Variants in SYNE1 observed in about 807,000 individuals in gnomAD.
SYNE1 encodes the protein nesprin-1.
SYNE1 carries 616 observed loss-of-function variants against 1,111.0 expected under a neutral mutation model. The ratio of observed to expected loss-of-function variants is 0.55; its 90% CI spans 0.52 to 0.59. The LOEUF is 0.59. Ranked by LOEUF, SYNE1 falls within the 20% of genes least tolerant of loss-of-function variation. The pLI is 0.00. For missense variants in SYNE1, 10,006 were observed against 10,417.0 expected (o/e 0.96, Z 1.72); for synonymous variants, 3,855 against 3,825.8 (o/e 1.01, Z -0.28).
intron 4 of SYNE1, among the ~76,000 whole-genome samples, chr6:152,530,478 T>G (rs2099191433): frequency 6.6e-6 from 1 of 151,862 alleles, no homozygotes; most frequent in South Asian, 2.1e-4. Context: ...GTTTTTTTTT[T>G]TTTTTTTTTA....
Position 152,331,142 on chromosome 6 carries a change from C to T in SYNE1, c.13543G>A (p.Ala4515Thr). Reference protein sequence around the residue: ...TYQNEVTGLWAQGRELMKEVT... With the variant: ...TYQNEVTGLWTQGRELMKEVT... Reference sequence around the variant, plus strand: ...TCCTTCATTAGTTCGCGACCCTGGGCCCAAAGTCCAGTGACTTCATTTTGG... The same window carrying T: ...TCCTTCATTAGTTCGCGACCCTGGGTCCAAAGTCCAGTGACTTCATTTTGG... The change falls in exon 78 of 146, where the codon GCC becomes ACC. Residue 4515 changes from alanine to threonine, a missense_variant. By Grantham distance (58) the Ala-to-Thr change is moderately conservative. This residue lies in a region of SYNE1 where 4,955 missense variants were observed against 5,017.2 expected (regional missense o/e 0.99). Transcript: ENST00000367255. 1 of 1,614,096 alleles carries T rather than the reference C, an allele frequency of 6.2e-7. No homozygotes were observed. Among genetic ancestry groups the T allele is most frequent in the Non-Finnish European group, 8.5e-7 (1 of 1,180,042 alleles).
chr6:152,271,078 G>A (rs1001544943), intron 98 of SYNE1, among the ~76,000 whole-genome samples: 21 of 152,196 alleles, frequency 1.4e-4, no homozygotes, highest in African/African-American at 4.6e-4. Flanking sequence ...CCTGCCCCTG[G>A]TTGTTCTTTG....
intron 3 of SYNE1, among the ~76,000 whole-genome samples, chr6:152,615,793 T>C (rs994787599): frequency 3.3e-5 from 5 of 152,228 alleles, no homozygotes; most frequent in Non-Finnish European, 7.3e-5. Context: ...ACTCAAGAGT[T>C]TGGCAATTCT....
chr6:152,515,989 C>A (rs958242428), intron 6 of SYNE1, among the ~76,000 whole-genome samples: 1 of 152,026 alleles, frequency 6.6e-6, no homozygotes, highest in Admixed American at 6.6e-5. Context: ...AATAAATGTC[C>A]TGTTATCAAA....
chr6:152,637,030 G>C (rs1435126396), intron 1 of SYNE1, 159 bp downstream of exon 1: 1 of 152,330 alleles, frequency 6.6e-6, no homozygotes, highest in African/African-American at 2.4e-5. Flanking sequence ...AAGGAAGGTC[G>C]CCCAGGCCGG....
chr6:152,204,086 G>A lies in SYNE1; in HGVS notation c.23019+2082C>T, dbSNP rs951831574. Among the ~76,000 whole-genome samples the A allele has an allele frequency of 2.6e-5, 4 of 151,986 alleles. No homozygotes were observed. In the East Asian group the frequency reaches 7.7e-4, roughly 29 times the overall value. The stretch of plus-strand genomic sequence containing the variant: ...GATCTAAAAGAGATAAGATCATCAC[G>A]GGTGCTGTGACCCACACCTATAATC... On this transcript the variant is annotated intron_variant, in intron 126 of 145. Transcript: ENST00000367255.
intron 3 of SYNE1, among the ~76,000 whole-genome samples, chr6:152,567,601 A>T (rs774998672): frequency 3.9e-5 from 6 of 152,186 alleles, no homozygotes; most frequent in Non-Finnish European, 7.3e-5. Flanking sequence ...AACTGCCATG[A>T]TGTCTCCAGC....
At chr6:152,282,098 T>C in intron 96 of SYNE1, 118 bp from the exon 97 acceptor site, 3 of 1,099,524 alleles carry the variant, frequency 2.7e-6, no homozygotes, top group South Asian at 1.3e-5. Flanking sequence ...GTAAAACTTT[T>C]AAAAATTTCC....
chr6:152,494,671 C>T (rs140326564), intron 11 of SYNE1, among the ~76,000 whole-genome samples: 1 of 152,296 alleles, frequency 6.6e-6, no homozygotes, highest in East Asian at 1.9e-4. Flanking sequence ...ATATCCTGCA[C>T]CACCATGCTG....
chr6:152,230,709 A>C lies in SYNE1; in HGVS notation c.21040-7T>G. On this transcript the variant is annotated splice_polypyrimidine_tract_variant and splice_region_variant and intron_variant, in intron 114 of 145. Coordinates refer to ENST00000367255, the MANE Select transcript of SYNE1 (RefSeq NM_182961.4). ...AGCCTTCCAACAGCTGGATCTGAACAAACACAATAAAATGAAATTTGCAAC... is the reference window on the plus strand; with the variant it reads ...AGCCTTCCAACAGCTGGATCTGAACCAACACAATAAAATGAAATTTGCAAC... 1 of 1,613,666 alleles carries C rather than the reference A, an allele frequency of 6.2e-7. No homozygotes were observed. The highest frequency in any genetic ancestry group is 8.5e-7 in the Non-Finnish European group (1 of 1,179,782).
At chr6:152,601,756 A>C (rs568021773) in intron 3 of SYNE1, among the ~76,000 whole-genome samples, 1 of 152,210 alleles carries the variant, frequency 6.6e-6, no homozygotes, top group Non-Finnish European at 1.5e-5. Context: ...AGTGTCATTG[A>C]GAGGACTGGT....
chr6:152,256,798 C>T, intron 101 of SYNE1, 33 bp from the exon 102 acceptor site: 1 of 1,611,204 alleles, frequency 6.2e-7, no homozygotes, highest in Non-Finnish European at 8.5e-7. Context: ...TGTTGAAGAG[C>T]ATATGCATTA....
intron 3 of SYNE1, among the ~76,000 whole-genome samples, chr6:152,620,081 T>C (rs1294065172): frequency 1.3e-5 from 2 of 152,160 alleles, no homozygotes; most frequent in Non-Finnish European, 2.9e-5. Flanking sequence ...AAAATGCACA[T>C]ACTCTTTTTA....
At chr6:152,255,430 G>T (rs1416933702) in intron 103 of SYNE1, among the ~76,000 whole-genome samples, 161 bp downstream of exon 103, 1 of 152,170 alleles carries the variant, frequency 6.6e-6, no homozygotes, top group Non-Finnish European at 1.5e-5. Flanking sequence ...GACAAAGAAT[G>T]AAAATGCGAA....
intron 4 of SYNE1, among the ~76,000 whole-genome samples, chr6:152,536,391 TATATATATACTATATATAGTA>T (rs2099239437): frequency 1.7e-5 from 2 of 119,398 alleles, no homozygotes; most frequent in Admixed American, 8.6e-5. Flanking sequence ...TATATATATT[TATATATATACTATATATAGTA>T]ATATATATAT....
rs748613766 is a variant in SYNE1, at chr6:152,213,779, G to A, written c.22347-20C>T. ...AACTTGCTGAAAGAACAAAGGGCAA[G>A]GAACAATGGTTATTTCACTGCTTAT... On this transcript the variant is annotated intron_variant, in intron 122 of 145. Transcript: ENST00000367255. 9.9e-6 allele frequency: 16 copies of A among 1,613,760 alleles called. No individual in the cohort carries two copies. Among genetic ancestry groups the A allele is most frequent in the South Asian group, 2.2e-5 (2 of 91,060 alleles).
intron 105 of SYNE1, among the ~76,000 whole-genome samples, chr6:152,245,155 G>A (rs1428916144): frequency 6.6e-6 from 1 of 152,206 alleles, no homozygotes; most frequent in Non-Finnish European, 1.5e-5. Context: ...AAATCAATCA[G>A]TCAACAAGTA....
intron 2 of SYNE1, among the ~76,000 whole-genome samples, chr6:152,629,521 CCGGGG>C (rs2099693492): frequency 1.4e-3 from 1 of 690 alleles, no homozygotes; most frequent in African/African-American, 0.01. Context: ...AGTTTCATTG[CCGGGG>C]GGGGGGGGGG....
intron 16 of SYNE1, among the ~76,000 whole-genome samples, chr6:152,469,225 T>C (rs1449012057): frequency 6.6e-6 from 1 of 152,196 alleles, no homozygotes; most frequent in Non-Finnish European, 1.5e-5. Flanking sequence ...CATAACACTC[T>C]AAAAGGATAA....
Sources: allele counts gnomAD v4.1 joint callset (sites outside exome capture counted in the v4.1 genomes callset), GRCh38; gene constraint gnomAD v4.1.1; regional missense constraint gnomAD v4.1.1; transcripts MANE v1.5; gene names NCBI Gene and HGNC (gene_info 2026-07-23, HGNC 2026-07-21).